The following RBFOX1 variants were observed in gnomAD, a reference collection of about 807,000 sequenced individuals.
The protein encoded by RBFOX1 is RNA binding protein fox-1 homolog 1.
Under a neutral mutation model 57.7 loss-of-function variants are expected in RBFOX1, and 8 were observed. The observed-to-expected ratio is 0.14, with a 90% confidence interval of 0.08 to 0.25. The LOEUF (loss-of-function observed/expected upper bound fraction) is 0.25, where lower values mean the gene tolerates loss of function less well. RBFOX1 is among the 10% of genes least tolerant of loss of function. The pLI, the probability that RBFOX1 is intolerant of heterozygous loss-of-function variation, is 1.00. For missense variants in RBFOX1, 611 were observed against 548.5 expected (o/e 1.11, Z -1.14); for synonymous variants, 326 against 222.4 (o/e 1.47, Z -4.15).
intron 1 of RBFOX1, among the ~76,000 whole-genome samples, chr16:5,282,741 G>A (rs2063302767): frequency 6.6e-6 from 1 of 152,200 alleles, no homozygotes; most frequent in Admixed American, 6.5e-5. Flanking sequence ...TGCTGTTAAA[G>A]GCACTCAGTT....
intron 2 of RBFOX1, among the ~76,000 whole-genome samples, chr16:5,559,770 C>G (rs1170840908): frequency 6.6e-6 from 1 of 152,198 alleles, no homozygotes; most frequent in East Asian, 1.9e-4. Context: ...CCACTCCCCT[C>G]ATCTTGCTTT....
chr16:5,957,832 T>C (rs544047332), intron 4 of RBFOX1, among the ~76,000 whole-genome samples: 2 of 152,262 alleles, frequency 1.3e-5, no homozygotes, highest in East Asian at 3.9e-4. Flanking sequence ...ACTTATACTC[T>C]TTTAGTTATT....
intron 4 of RBFOX1, among the ~76,000 whole-genome samples, chr16:7,307,596 C>G (rs1290030478): frequency 6.6e-6 from 1 of 152,114 alleles, no homozygotes; most frequent in Non-Finnish European, 1.5e-5. Flanking sequence ...TTTCTTTTCT[C>G]CTTCTCCTCT....
chr16:6,659,757 G>C (rs1048980093), intron 3 of RBFOX1, among the ~76,000 whole-genome samples: 1 of 152,162 alleles, frequency 6.6e-6, no homozygotes, highest in Non-Finnish European at 1.5e-5. Flanking sequence ...TTACAAGCCT[G>C]CCCTTCCGGG....
intron 3 of RBFOX1, among the ~76,000 whole-genome samples, chr16:6,835,045 A>G (rs1045500770): frequency 6.6e-6 from 1 of 151,890 alleles, no homozygotes; most frequent in Non-Finnish European, 1.5e-5. Context: ...GGCGCCCAAC[A>G]CCATGCCCCG....
intron 4 of RBFOX1, among the ~76,000 whole-genome samples, chr16:7,250,470 G>C (rs545456362): frequency 6.6e-6 from 1 of 151,612 alleles, no homozygotes; most frequent in Non-Finnish European, 1.5e-5. Context: ...CTGCTTCATC[G>C]CCTCAGCTGC....
intron 4 of RBFOX1, among the ~76,000 whole-genome samples, chr16:7,455,054 G>A (rs2058221955): frequency 6.6e-6 from 1 of 152,146 alleles, no homozygotes; most frequent in African/African-American, 2.4e-5. Context: ...CTATGTGTCA[G>A]GTACCATGCT....
intron 3 of RBFOX1, among the ~76,000 whole-genome samples, chr16:6,658,423 G>C (rs1459829318): frequency 6.6e-6 from 1 of 151,944 alleles, no homozygotes; most frequent in Non-Finnish European, 1.5e-5. Flanking sequence ...TGGCCAGGAT[G>C]ATCTTGAACT....
intron 4 of RBFOX1, among the ~76,000 whole-genome samples, chr16:7,192,047 T>C (rs1042054248): frequency 2.8e-4 from 43 of 152,166 alleles, no homozygotes; most frequent in African/African-American, 8.4e-4. Flanking sequence ...GTTTTTAATC[T>C]ATTGATGCCC....
chr16:7,390,426 G>GT (rs1280339410), intron 4 of RBFOX1, among the ~76,000 whole-genome samples: 1 of 152,298 alleles, frequency 6.6e-6, no homozygotes, highest in African/African-American at 2.4e-5. Flanking sequence ...GAAGACTTGG[G>GT]TTTAAGTTTC....
rs150738272 is a variant in RBFOX1, at chr16:5,982,298, G to C, written c.351+114963G>C. Among the ~76,000 whole-genome samples the C allele has an allele frequency of 5.9e-5, 9 of 151,858 alleles. No individual in the cohort carries two copies. The East Asian group carries it at 1.7e-3, about 29-fold the overall frequency. On this transcript the variant is annotated intron_variant, in intron 4 of 19. Coordinates refer to the RBFOX1 transcript ENST00000641259. ...TTTTTTTTTTCTTTTTTTTGAGATG[G>C]AGTCTCGCTCTGTTGCACAGGCTGG...
intron 3 of RBFOX1, among the ~76,000 whole-genome samples, chr16:5,694,703 C>T (rs7199931): frequency 0.95 from 143,781 of 151,750 alleles, 68,241 homozygotes; most frequent in East Asian, 1. Flanking sequence ...CCCTGACTCC[C>T]GATTTAAAGT....
Position 5,611,768 on chromosome 16 carries a change from TCCCA to T in RBFOX1, c.318+12808_318+12811del, listed in dbSNP as rs1207739491. Among the ~76,000 whole-genome samples, 4 of 27,884 alleles carry T rather than the reference TCCCA, an allele frequency of 1.4e-4. No individual in the cohort carries two copies. The South Asian group carries it at 5.6e-3, about 39-fold the overall frequency. The allele number at this position is 27,884 out of a possible 152,430, so 18.3% of individuals were successfully genotyped here. ...CATCCATTCACCCTTCTTTTCAGTC[TCCCA>T]TCCATCCATCCATCCATCCATCCAC... is the stretch of plus-strand genomic sequence containing the variant. On this transcript the variant is annotated intron_variant, in intron 3 of 19. Transcript: ENST00000641259.
chr16:6,936,283 C>T (rs1213582997), intron 3 of RBFOX1, among the ~76,000 whole-genome samples: 3 of 152,152 alleles, frequency 2.0e-5, no homozygotes, highest in Non-Finnish European at 4.4e-5. Flanking sequence ...AATTGCCTTC[C>T]GTTTTATGCC....
chr16:6,048,733 G>A (rs1369297460), intron 1 of RBFOX1, among the ~76,000 whole-genome samples: 5 of 152,132 alleles, frequency 3.3e-5, no homozygotes, highest in Admixed American at 3.3e-4. Flanking sequence ...AGTTGCAACA[G>A]CTTTTGGATA....
intron 3 of RBFOX1, among the ~76,000 whole-genome samples, chr16:6,969,595 T>A (rs998050530): frequency 1.3e-5 from 2 of 150,282 alleles, no homozygotes; most frequent in African/African-American, 2.5e-5. Context: ...AAAAAAAAAA[T>A]TAGTTGGGCA....
intron 3 of RBFOX1, among the ~76,000 whole-genome samples, chr16:6,814,386 T>C (rs1263509093): frequency 6.6e-6 from 1 of 152,172 alleles, no homozygotes; most frequent in Non-Finnish European, 1.5e-5. Context: ...TTGTTTTCCA[T>C]CCATTCTTAC....
intron 2 of RBFOX1, among the ~76,000 whole-genome samples, chr16:6,480,835 T>C (rs554377181): frequency 6.6e-6 from 1 of 152,360 alleles, no homozygotes; most frequent in East Asian, 1.9e-4. Flanking sequence ...TATTCATGTC[T>C]ATATAGCAAT....
chr16:6,531,713 G>A (rs1366959321), intron 2 of RBFOX1, among the ~76,000 whole-genome samples: 1 of 152,064 alleles, frequency 6.6e-6, no homozygotes, highest in Non-Finnish European at 1.5e-5. Flanking sequence ...GACCCAAACA[G>A]GGCTTCTTAA....
Sources: allele counts gnomAD v4.1 joint callset (sites outside exome capture counted in the v4.1 genomes callset), GRCh38; gene constraint gnomAD v4.1.1; transcripts MANE v1.5; gene names NCBI Gene and HGNC (gene_info 2026-07-23, HGNC 2026-07-21).